The following PTPRG variants were observed in gnomAD, a reference collection of about 807,000 sequenced individuals.
PTPRG encodes receptor-type tyrosine-protein phosphatase gamma.
A neutral mutation model predicts 165.3 loss-of-function variants in PTPRG; 102 were observed. The ratio of observed to expected loss-of-function variants is 0.62; its 90% CI spans 0.53 to 0.73. PTPRG has a LOEUF of 0.73. Among genes scored for constraint, PTPRG ranks in the 30% least tolerant of loss-of-function variants. The probability of loss-of-function intolerance (pLI) is 0.00; values close to 1 mark genes in which losing one functional copy is unlikely to be tolerated. For synonymous variants in PTPRG, 675 were observed against 669.5 expected (o/e 1.01, Z -0.13); for missense variants, 1,866 against 1,861.4 (o/e 1.00, Z -0.05).
At chr3:62,051,451 G>A (rs1467509050) in intron 4 of PTPRG, among the ~76,000 whole-genome samples, 1 of 152,128 alleles carries the variant, frequency 6.6e-6, no homozygotes, top group Non-Finnish European at 1.5e-5. Flanking sequence ...ATGTGTAAAT[G>A]TCTTTATAAA....
chr3:61,833,067 T>TTGTGTGTGTG (rs113069211), intron 2 of PTPRG, among the ~76,000 whole-genome samples: 6,847 of 146,816 alleles, frequency 0.047, 158 homozygotes, highest in Non-Finnish European at 0.054. Context: ...TAGTATTCCA[T>TTGTGTGTGTG]TGTGTGTGTG....
chr3:61,896,427 T>C (rs1314527087), intron 2 of PTPRG, among the ~76,000 whole-genome samples: 1 of 152,214 alleles, frequency 6.6e-6, no homozygotes, highest in East Asian at 1.9e-4. Flanking sequence ...AAGGTGTAGA[T>C]GTGCCACAGT....
Position 62,090,216 on chromosome 3 carries a change from C to T in PTPRG, c.615+11958C>T, listed in dbSNP as rs150633102. Among the ~76,000 whole-genome samples the T allele has an allele frequency of 4.6e-5, 7 of 152,300 alleles. No individual in the cohort carries two copies. In the East Asian group the frequency reaches 1.4e-3, roughly 29 times the overall value. On this transcript the variant is annotated intron_variant, in intron 5 of 29. Transcript: ENST00000474889. ...CCATCCATATTACTGAGGTCTTACT[C>T]AACACTGTGCAGCGTATTCCCTGGT...
At chr3:61,592,039 C>A (rs1407022982) in intron 1 of PTPRG, among the ~76,000 whole-genome samples, 1 of 150,976 alleles carries the variant, frequency 6.6e-6, no homozygotes, top group African/African-American at 2.4e-5. Flanking sequence ...ACGGCATGAT[C>A]TCCGTATCAC....
At chr3:62,265,894 T>TATATACACACACACACACACACACACAC (rs1701853896) in intron 17 of PTPRG, among the ~76,000 whole-genome samples, 1 of 26,476 alleles carries the variant, frequency 3.8e-5, no homozygotes, top group Non-Finnish European at 7.5e-5. Flanking sequence ...CTGTGCCTTA[T>TATATACACACACACACACACACACACAC]ATACACACAC....
chr3:61,988,216 G>C (rs928400191), intron 2 of PTPRG, among the ~76,000 whole-genome samples: 1 of 152,044 alleles, frequency 6.6e-6, no homozygotes, highest in African/African-American at 2.4e-5. Context: ...GTGAGGCTGC[G>C]GTATTTTCCA....
intron 6 of PTPRG, among the ~76,000 whole-genome samples, chr3:62,147,051 C>T (rs541407457): frequency 2.2e-4 from 34 of 152,306 alleles, no homozygotes; most frequent in African/African-American, 6.7e-4. Flanking sequence ...TAGCCAATTA[C>T]GCAGACTGAA....
Position 61,894,559 on chromosome 3 carries a change from CTT to C in PTPRG, c.191-95065_191-95064del. The stretch of plus-strand genomic sequence containing the variant: ...ATTTATTTTCATTTTTCTAACAGCT[CTT>C]AGGGTGAAGAACAGTCATTAATTCC... On this transcript the variant is annotated intron_variant, in intron 2 of 29. Coordinates refer to ENST00000474889, the MANE Select transcript of PTPRG (RefSeq NM_002841.4). Among the ~76,000 whole-genome samples the C allele has an allele frequency of 2.0e-5, 3 of 152,170 alleles. No individual in the cohort carries two copies. In the Middle Eastern group the frequency reaches 0.01, roughly 521 times the overall value.
intron 2 of PTPRG, among the ~76,000 whole-genome samples, chr3:61,758,494 C>T (rs954517447): frequency 1.2e-4 from 19 of 152,178 alleles, no homozygotes; most frequent in Admixed American, 1.1e-3. Context: ...CTGTGTTGCC[C>T]AGGCTGGAGT....
At chr3:61,945,933 C>CATTAAACA (rs1222153845) in intron 2 of PTPRG, among the ~76,000 whole-genome samples, 2 of 152,180 alleles carry the variant, frequency 1.3e-5, no homozygotes, top group Admixed American at 1.3e-4. Flanking sequence ...GCTATATGCT[C>CATTAAACA]ATTAAACATC....
Position 62,269,141 on chromosome 3 carries a change from T to A in PTPRG, c.2981T>A (p.Phe994Tyr), listed in dbSNP as rs1701978512. ...KIHACYTVRR[F>Y]SIRNTKVKKG... ...CATGCCTGCTACACTGTTCGTCGTT[T>A]TTCAATCAGAAATACAAAAGTGAAA... The change falls in exon 20 of 30, where the codon TTT (phenylalanine) becomes TAT (tyrosine). Residue 994 changes from phenylalanine to tyrosine, a missense_variant. This residue lies in a region of PTPRG where 1,452 missense variants were observed against 1,463.0 expected (regional missense o/e 0.99). Transcript: ENST00000474889. The A allele has an allele frequency of 6.3e-7, 1 of 1,590,430 alleles. No individual in the cohort carries two copies. The highest frequency in any genetic ancestry group is 8.6e-7 in the Non-Finnish European group (1 of 1,163,112).
intron 2 of PTPRG, among the ~76,000 whole-genome samples, chr3:61,942,694 T>TA (rs1405775286): frequency 1.3e-5 from 2 of 152,232 alleles, no homozygotes; most frequent in African/African-American, 4.8e-5. Context: ...AGCTAAGTCT[T>TA]AAACTCTGAC....
intron 5 of PTPRG, among the ~76,000 whole-genome samples, chr3:62,123,003 C>A (rs1703135304): frequency 6.6e-6 from 1 of 152,144 alleles, no homozygotes; most frequent in Non-Finnish European, 1.5e-5. Context: ...TTCTATTCCG[C>A]TACTCAGTTC....
chr3:61,655,641 A>G (rs1702489339), intron 1 of PTPRG, among the ~76,000 whole-genome samples: 1 of 152,136 alleles, frequency 6.6e-6, no homozygotes, highest in Admixed American at 6.6e-5. Context: ...TTTGTCACCC[A>G]GCTTGGAGTG....
At chr3:61,681,192 C>T (rs1703430488) in intron 1 of PTPRG, among the ~76,000 whole-genome samples, 1 of 151,588 alleles carries the variant, frequency 6.6e-6, no homozygotes, top group Non-Finnish European at 1.5e-5. Context: ...AGCTTCTTTT[C>T]TTGCTTTTAA....
rs1559665479 is a variant in PTPRG at position 62,217,297 on chromosome 3, G to T, written c.2156-1554G>T. Among the ~76,000 whole-genome samples, 2 of 152,192 alleles carry T rather than the reference G, an allele frequency of 1.3e-5. No homozygotes were observed. Among genetic ancestry groups the T allele is most frequent in the Admixed American group, 6.5e-5 (1 of 15,288 alleles). ...CCTACTTGACTCTGTCTTCTTACCTGTGAGCAGGGGATACATCAGGTCCTG... is the reference window on the plus strand; with the variant it reads ...CCTACTTGACTCTGTCTTCTTACCTTTGAGCAGGGGATACATCAGGTCCTG... On this transcript the variant is annotated intron_variant, in intron 12 of 29. Transcript: ENST00000474889. The surrounding 1 kb of genome is among the most constrained non-coding windows in gnomAD (Gnocchi z 4.3).
At chr3:62,165,198 C>T (rs1054545549) in intron 7 of PTPRG, among the ~76,000 whole-genome samples, 1 of 152,226 alleles carries the variant, frequency 6.6e-6, no homozygotes, top group Middle Eastern at 3.2e-3. Flanking sequence ...ATTCCACTTC[C>T]TTTAACCTTT....
chr3:61,866,184 T>G (rs1194938492), intron 2 of PTPRG, among the ~76,000 whole-genome samples: 1 of 152,196 alleles, frequency 6.6e-6, no homozygotes, highest in East Asian at 1.9e-4. Flanking sequence ...ATCTGTTCAC[T>G]CTTCAGGGAT....
At chr3:62,020,130 TA>T (rs111566870) in intron 4 of PTPRG, among the ~76,000 whole-genome samples, 3,164 of 152,216 alleles carry the variant, frequency 0.021, 69 homozygotes, top group East Asian at 0.088. Flanking sequence ...TGGCAGAGGG[TA>T]GGGGGAGATG....
Sources: allele counts gnomAD v4.1 joint callset (sites outside exome capture counted in the v4.1 genomes callset), GRCh38; gene constraint gnomAD v4.1.1; regional missense constraint gnomAD v4.1.1; non-coding constraint Gnocchi (gnomAD v3.1); transcripts MANE v1.5; gene names NCBI Gene and HGNC (gene_info 2026-07-23, HGNC 2026-07-21).